PTPRD: variants seen among roughly 807,000 people sequenced by gnomAD.
PTPRD encodes receptor-type tyrosine-protein phosphatase delta.
Under a neutral mutation model 214.5 loss-of-function variants are expected in PTPRD, and 34 were observed. The ratio of observed to expected loss-of-function variants is 0.16; its 90% confidence interval spans 0.12 to 0.21. The LOEUF (loss-of-function observed/expected upper bound fraction) is 0.21. Ranked by LOEUF, PTPRD falls within the 10% of genes least tolerant of loss-of-function variation. The pLI, the probability that PTPRD is intolerant of heterozygous loss-of-function variation, is 1.00. For missense variants in PTPRD, 2,545 were observed against 2,398.7 expected (o/e 1.06, Z -1.27); for synonymous variants, 1,128 against 845.7 (o/e 1.33, Z -5.79).
intron 14 of PTPRD, among the ~76,000 whole-genome samples, chr9:8,581,572 C>T (rs1034081672): frequency 3.3e-5 from 5 of 150,918 alleles, no homozygotes; most frequent in Admixed American, 2.0e-4. Context: ...CACAGTGAAA[C>T]CCCATCTCTA....
At chr9:9,639,390 T>C (rs1273951943) in intron 7 of PTPRD, among the ~76,000 whole-genome samples, 1 of 152,210 alleles carries the variant, frequency 6.6e-6, no homozygotes, top group Non-Finnish European at 1.5e-5. Context: ...ATATTCATTG[T>C]TTCCCTTTTA....
At chr9:8,638,256 G>T (rs1004866700) in intron 12 of PTPRD, among the ~76,000 whole-genome samples, 1 of 152,032 alleles carries the variant, frequency 6.6e-6, no homozygotes, top group Non-Finnish European at 1.5e-5. Flanking sequence ...AAAGAAAAAA[G>T]TCATAACAAA....
intron 4 of PTPRD, among the ~76,000 whole-genome samples, chr9:10,023,616 G>C (rs542887946): frequency 4.9e-4 from 72 of 147,500 alleles, no homozygotes; most frequent in African/African-American, 1.6e-3. Context: ...AACTTACATG[G>C]AACTATTTTT....
At chr9:8,445,603 G>C (rs751102579) in intron 34 of PTPRD, among the ~76,000 whole-genome samples, 11 of 152,020 alleles carry the variant, frequency 7.2e-5, no homozygotes, top group Admixed American at 1.3e-4. Context: ...TAATAGATTG[G>C]TCCTAACACT....
At chr9:10,097,873 G>C (rs1321270942) in intron 3 of PTPRD, among the ~76,000 whole-genome samples, 1 of 151,750 alleles carries the variant, frequency 6.6e-6, no homozygotes, top group Non-Finnish European at 1.5e-5. Flanking sequence ...TTGGCTGTAG[G>C]AACACTTTCA....
chr9:10,210,772 T>G (rs2099512369), intron 3 of PTPRD, among the ~76,000 whole-genome samples: 2 of 134,604 alleles, frequency 1.5e-5, no homozygotes, highest in African/African-American at 5.3e-5. Context: ...ATATAATGTT[T>G]ATATATATAA....
intron 23 of PTPRD, among the ~76,000 whole-genome samples, chr9:8,501,837 A>T (rs2097417040): frequency 6.6e-6 from 1 of 152,190 alleles, no homozygotes; most frequent in Admixed American, 6.5e-5. Context: ...TCAGCTTTTT[A>T]ATTATAACTC....
chr9:9,598,666 A>C (rs1379767954), intron 7 of PTPRD, among the ~76,000 whole-genome samples: 1 of 152,044 alleles, frequency 6.6e-6, no homozygotes, highest in Non-Finnish European at 1.5e-5. Context: ...TATTTACAAA[A>C]TTTATATCCT....
intron 2 of PTPRD, among the ~76,000 whole-genome samples, chr9:10,492,246 T>C (rs137998523): frequency 7.0e-4 from 107 of 152,260 alleles, no homozygotes; most frequent in African/African-American, 2.5e-3. Context: ...GATGGCTGGG[T>C]CAAATGGTAT....
At chr9:10,098,232 C>T (rs1225904013) in intron 3 of PTPRD, among the ~76,000 whole-genome samples, 1 of 150,984 alleles carries the variant, frequency 6.6e-6, no homozygotes, top group Non-Finnish European at 1.5e-5. Context: ...TCTCAGCAAA[C>T]TATCGCAAGG....
At chr9:9,781,394 G>A (rs1439096779) in intron 5 of PTPRD, among the ~76,000 whole-genome samples, 4 of 151,908 alleles carry the variant, frequency 2.6e-5, no homozygotes, top group East Asian at 3.9e-4. Context: ...ATAAAAATAC[G>A]CAAAAATGCT....
chr9:9,534,545 C>T (rs1234793899), intron 8 of PTPRD, among the ~76,000 whole-genome samples: 1 of 152,042 alleles, frequency 6.6e-6, no homozygotes, highest in Non-Finnish European at 1.5e-5. Context: ...AAATTATACA[C>T]CAGTTAGAAA....
intron 2 of PTPRD, among the ~76,000 whole-genome samples, chr9:10,408,578 C>G (rs894892542): frequency 6.6e-6 from 1 of 151,608 alleles, no homozygotes; most frequent in Non-Finnish European, 1.5e-5. Flanking sequence ...ATGTGGACCT[C>G]TAGAATTGCA....
intron 8 of PTPRD, among the ~76,000 whole-genome samples, chr9:9,542,023 G>C (rs1289487943): frequency 1.3e-5 from 2 of 151,752 alleles, no homozygotes; most frequent in African/African-American, 2.4e-5. Flanking sequence ...ATAGAAAAGA[G>C]ACAACACAGT....
At chr9:9,611,572 C>G (rs1041094780) in intron 7 of PTPRD, among the ~76,000 whole-genome samples, 4 of 151,894 alleles carry the variant, frequency 2.6e-5, no homozygotes, top group African/African-American at 9.7e-5. Flanking sequence ...TGACTATAAA[C>G]ATAGTCATAT....
chr9:9,323,215 C>T (rs757489947), intron 9 of PTPRD, among the ~76,000 whole-genome samples: 19 of 151,404 alleles, frequency 1.3e-4, no homozygotes, highest in African/African-American at 4.2e-4. Context: ...TATTTTATCA[C>T]GATGAGAAAA....
At position 8,713,751 on chromosome 9, in the gene PTPRD, C is replaced by A. The variant is rs2098397278; in HGVS notation, c.64+20029G>T. Reference sequence around the variant, plus strand: ...GGCAGGCTGTCAAGCAGTTCCACGACTGCAAGATCAAGTTCCCGCTGCCCC... The same window carrying A: ...GGCAGGCTGTCAAGCAGTTCCACGAATGCAAGATCAAGTTCCCGCTGCCCC... On this transcript the variant is annotated intron_variant, in intron 12 of 45. Coordinates refer to ENST00000381196, the MANE Select transcript of PTPRD (RefSeq NM_002839.4). The A allele has an allele frequency of 1.7e-5, 26 of 1,518,998 alleles. No individual in the cohort carries two copies. The South Asian group carries it at 2.8e-4, about 16-fold the overall frequency. The allele number at this position is 1,518,998 out of a possible 1,614,324, so 94.1% of individuals were successfully genotyped here.
At chr9:8,838,912 G>C (rs894798068) in intron 11 of PTPRD, among the ~76,000 whole-genome samples, 5 of 151,598 alleles carry the variant, frequency 3.3e-5, no homozygotes, top group Admixed American at 1.3e-4. Context: ...AATAATAAGA[G>C]AGAAAAAAAA....
intron 27 of PTPRD, among the ~76,000 whole-genome samples, chr9:8,491,789 C>A (rs2097156364): frequency 6.6e-6 from 1 of 152,116 alleles, no homozygotes; most frequent in Non-Finnish European, 1.5e-5. Flanking sequence ...TTAGACAAAG[C>A]TGGCAGTGAG....
Sources: allele counts gnomAD v4.1 joint callset (sites outside exome capture counted in the v4.1 genomes callset), GRCh38; gene constraint gnomAD v4.1.1; transcripts MANE v1.5; gene names NCBI Gene and HGNC (gene_info 2026-07-23, HGNC 2026-07-21).